Variants in SPTBN5 observed in about 807,000 individuals in gnomAD.
SPTBN5 encodes spectrin beta chain, non-erythrocytic 5.
SPTBN5 carries 513 observed loss-of-function variants against 477.6 expected under a neutral mutation model. That is an observed-to-expected ratio of 1.07 (90% CI 1.00 to 1.16). The LOEUF is 1.16. Among genes scored for constraint, SPTBN5 ranks in the 50% most tolerant of loss-of-function variants. The pLI, the probability that SPTBN5 is intolerant of heterozygous loss-of-function variation, is 0.00. For synonymous variants in SPTBN5, 2,169 were observed against 2,011.7 expected (o/e 1.08, Z -2.09); for missense variants, 5,062 against 4,731.8 (o/e 1.07, Z -2.05).
chr15:41,890,247 C>T, intron 3 of SPTBN5, 42 bp from the exon 4 acceptor site: 2 of 1,390,030 alleles, frequency 1.4e-6, no homozygotes, highest in South Asian at 1.2e-5. Flanking sequence ...AAGCCCATGT[C>T]CAGAGAGGAC....
At chr15:41,870,131 A>G in intron 31 of SPTBN5, 111 bp from the exon 32 acceptor site, 1 of 1,451,982 alleles carries the variant, frequency 6.9e-7, no homozygotes, top group Non-Finnish European at 9.1e-7. Flanking sequence ...CCTGCCATGC[A>G]CAGGAGGCCC....
At chr15:41,849,339 C>A (rs1034467717) in intron 67 of SPTBN5, among the ~76,000 whole-genome samples, 1 of 152,222 alleles carries the variant, frequency 6.6e-6, no homozygotes, top group East Asian at 1.9e-4. Context: ...CCCTGGCCTG[C>A]AGGCCGGGAC....
intron 22 of SPTBN5, 37 bp downstream of exon 22, chr15:41,875,421 G>C (rs551820241): frequency 6.3e-7 from 1 of 1,596,890 alleles, no homozygotes; most frequent in Non-Finnish European, 8.5e-7. Context: ...CCAGGCCTCC[G>C]TCTCCCTCTT....
chr15:41,892,403 C>T lies in SPTBN5; in HGVS notation c.384+491G>A, dbSNP rs1313822074. On this transcript the variant is annotated intron_variant, in intron 3 of 67. Coordinates refer to ENST00000320955, the MANE Select transcript of SPTBN5 (RefSeq NM_016642.4). ...ATCTCCTTAGCCTGTCCCTTTCTTT[C>T]AGGTGACTCTGCCTCCCCCCATTTG... Among the ~76,000 whole-genome samples, 4 of 152,100 alleles carry T rather than the reference C, an allele frequency of 2.6e-5. No individual in the cohort carries two copies. In the East Asian group the frequency reaches 7.7e-4, roughly 29 times the overall value.
In SPTBN5 at chr15:41,857,303, G is replaced by A. The variant is rs767413874; in HGVS notation, c.8556C>T (p.Ala2852=). The change falls in exon 51 of 68, where the codon GCC becomes GCT. Residue 2852 remains alanine, a synonymous_variant. Coordinates refer to ENST00000320955, the MANE Select transcript of SPTBN5 (RefSeq NM_016642.4). ...CAAGGCAGTGGCCTTCCCTCACAAA[G>A]GCCTGGGCCTGGCCCAGCAGTGCCT... ...QAEALLGQAQ[A]FVREGHCLAQ... 2.2e-5 allele frequency: 35 copies of A among 1,569,292 alleles called. No homozygotes were observed. The African/African-American group carries it at 3.5e-4, about 16-fold the overall frequency.
chr15:41,853,193 C>G (rs1339434630), intron 59 of SPTBN5, 65 bp downstream of exon 59: 1 of 1,533,676 alleles, frequency 6.5e-7, no homozygotes, highest in Non-Finnish European at 8.8e-7. Context: ...GTGAGGGGCC[C>G]TGAGGCCCTG....
At chr15:41,892,870 C>A in intron 3 of SPTBN5, 24 bp downstream of exon 3, 1 of 1,578,254 alleles carries the variant, frequency 6.3e-7, no homozygotes, top group Admixed American at 1.8e-5. Flanking sequence ...AGCACCATCC[C>A]AGACCCCTTT....
At chr15:41,890,956 G>A (rs2140972112) in intron 3 of SPTBN5, among the ~76,000 whole-genome samples, 1 of 152,358 alleles carries the variant, frequency 6.6e-6, no homozygotes, top group Admixed American at 6.5e-5. Context: ...AGTTCCATGG[G>A]ATTCTAAGCA....
intron 4 of SPTBN5, among the ~76,000 whole-genome samples, chr15:41,889,512 G>C (rs548050661): frequency 1.3e-5 from 2 of 152,002 alleles, no homozygotes; most frequent in South Asian, 4.2e-4. Flanking sequence ...CAGCATCCTG[G>C]GCTCAGGTTA....
At position 41,886,342 on chromosome 15, in the gene SPTBN5, C is replaced by T. The variant is rs374211671; in HGVS notation, c.913G>A (p.Glu305Lys). 215 of 1,607,394 alleles carry T rather than the reference C, an allele frequency of 1.3e-4. No individual in the cohort carries two copies. The highest frequency in any genetic ancestry group is 1.8e-4 in the Non-Finnish European group (210 of 1,176,388). The change falls in exon 7 of 68, where the codon GAG becomes AAG. Residue 305 changes from glutamate to lysine, a missense_variant. Glu to Lys is a moderately conservative substitution (Grantham distance 56). Coordinates refer to ENST00000320955, the MANE Select transcript of SPTBN5 (RefSeq NM_016642.4). ...TGCTCGTACTGGGTCTGCAGCAGCT[C>T]TGTCTCCTGGAGCTGAAGCAGGATC... is the stretch of plus-strand genomic sequence containing the variant. ...TKILLQLQET[E>K]LLQTQYEQLV...
At position 41,893,539 on chromosome 15, in the gene SPTBN5, C is replaced by T. The variant is rs2067380698; in HGVS notation, c.-42G>A. 1.5e-5 allele frequency: 23 copies of T among 1,537,002 alleles called. No individual in the cohort carries two copies. The highest frequency in any genetic ancestry group is 1.8e-5 in the Non-Finnish European group (21 of 1,147,062). On this transcript the variant is annotated 5_prime_UTR_variant, in exon 2 of 68. Coordinates refer to ENST00000320955, the MANE Select transcript of SPTBN5 (RefSeq NM_016642.4). ...GGGGATGAGGAGCTGCTGGATGGCT[C>T]CCTAAACCTGGAGGGCATGCAGATT...
At chr15:41,891,466 G>T (rs2067311017) in intron 3 of SPTBN5, among the ~76,000 whole-genome samples, 1 of 152,194 alleles carries the variant, frequency 6.6e-6, no homozygotes, top group Non-Finnish European at 1.5e-5. Context: ...TGGGGTGTTT[G>T]TCTGCTCCTC....
At chr15:41,889,858 G>C (rs902151344) in intron 4 of SPTBN5, among the ~76,000 whole-genome samples, 2 of 152,228 alleles carry the variant, frequency 1.3e-5, no homozygotes, top group Non-Finnish European at 2.9e-5. Flanking sequence ...CCCAGACCTG[G>C]TTTGAAGCCC....
rs2066372521 is a variant in SPTBN5 at position 41,867,626 on chromosome 15, C to T, written c.6224G>A (p.Ser2075Asn). Reference sequence around the variant, plus strand: ...CTCTTCCACCGAGCTCCCCAAGGCACTGGTTTTCAGGGAGACCTGGATCCA... The same window carrying T: ...CTCTTCCACCGAGCTCCCCAAGGCATTGGTTTTCAGGGAGACCTGGATCCA... Reference protein sequence around the residue: ...LAAQEVSLKTSALGSSVEEVE... With the variant: ...LAAQEVSLKTNALGSSVEEVE... Residue 2075 changes from serine (S) to asparagine (N), a missense_variant, in exon 35 of 68, where the codon AGT becomes AAT. By Grantham distance (46) the Ser-to-Asn change is conservative. Transcript: ENST00000320955. The T allele has an allele frequency of 6.2e-7, 1 of 1,613,614 alleles. No homozygotes were observed. The highest frequency in any genetic ancestry group is 1.3e-5 in the African/African-American group (1 of 74,924).
chr15:41,880,891 G>T, intron 13 of SPTBN5, 143 bp downstream of exon 13: 1 of 749,582 alleles, frequency 1.3e-6, no homozygotes, highest in Non-Finnish European at 2.1e-6. Context: ...CATCTAATGA[G>T]TTGTCTGACA....
intron 66 of SPTBN5, chr15:41,850,329 A>G (rs1377366265): frequency 3.6e-6 from 1 of 281,332 alleles, no homozygotes; most frequent in Non-Finnish European, 6.9e-6. Context: ...TTCCCTGAAC[A>G]CACGGTCCAC....
intron 47 of SPTBN5, among the ~76,000 whole-genome samples, 160 bp from the exon 48 acceptor site, chr15:41,859,140 C>T (rs997672880): frequency 7.9e-5 from 12 of 152,202 alleles, no homozygotes; most frequent in East Asian, 3.9e-4. Context: ...GTCTGTTATG[C>T]GCCGGATTTT....
chr15:41,869,105 TGC>T (rs1309090057), intron 32 of SPTBN5, among the ~76,000 whole-genome samples: 10 of 152,252 alleles, frequency 6.6e-5, no homozygotes, highest in African/African-American at 1.9e-4. Context: ...ACAAGATTGG[TGC>T]TGGAGGGACT....
chr15:41,890,034 G>A, intron 4 of SPTBN5, 55 bp downstream of exon 4: 2 of 1,178,318 alleles, frequency 1.7e-6, no homozygotes, highest in Non-Finnish European at 2.5e-6. Context: ...GGTCTGAGGT[G>A]AGGCCAGGGC....
Sources: gnomAD v4.1 joint callset for allele counts (sites outside exome capture counted in the v4.1 genomes callset) on GRCh38, gnomAD v4.1.1 for gene constraint, MANE v1.5 for transcripts, NCBI Gene and HGNC (gene_info 2026-07-23, HGNC 2026-07-21) for gene names.